Variants in ERCC4 observed in about 807,000 individuals in gnomAD.
The protein encoded by ERCC4 is ERCC excision repair 4, endonuclease catalytic subunit.
ERCC4 carries 65 observed loss-of-function variants against 76.9 expected under a neutral mutation model. The ratio of observed to expected loss-of-function variants is 0.84; its 90% CI spans 0.69 to 1.04. The LOEUF is 1.04. Among genes scored for constraint, ERCC4 ranks in the 50% least tolerant of loss-of-function variants. ERCC4 has a pLI of 0.00. For missense variants in ERCC4, 1,214 were observed against 1,128.2 expected (o/e 1.08, Z -1.09); for synonymous variants, 463 against 410.1 (o/e 1.13, Z -1.56).
chr16:13,939,470 C>T (rs1206129637), intron 9 of ERCC4, among the ~76,000 whole-genome samples: 10 of 152,130 alleles, frequency 6.6e-5, no homozygotes, highest in Non-Finnish European at 1.0e-4. Context: ...TCAAAGACCT[C>T]ACCCAGACCA....
rs1567253858 is a variant in ERCC4, at chr16:13,947,895, T to C, written c.2299T>C (p.Phe767Leu). ...GATTGAGTTTGACCCTAGCAAGCCT[T>C]TCTCTCTCACTTCCCGAGGTGCCTT... is the stretch of plus-strand genomic sequence containing the variant. ...LLIEFDPSKP[F>L]SLTSRGALFQ... The change falls in exon 11 of 11, where the codon TTC (phenylalanine) becomes CTC (leucine). Residue 767 changes from phenylalanine (F) to leucine (L), a missense_variant. Physicochemically the swap from Phe to Leu is conservative, Grantham distance 22 (BLOSUM62 0). Transcript: ENST00000311895. 2 of 1,614,128 alleles carry C rather than the reference T, an allele frequency of 1.2e-6. No individual in the cohort carries two copies. Among genetic ancestry groups the C allele is most frequent in the East Asian group, 2.2e-5 (1 of 44,880 alleles).
In ERCC4 at chr16:13,926,677, G is replaced by T; in HGVS notation, c.505G>T (p.Val169Phe). 1 of 1,614,050 alleles carries T rather than the reference G, an allele frequency of 6.2e-7. No individual in the cohort carries two copies. The highest frequency in any genetic ancestry group is 8.5e-7 in the Non-Finnish European group (1 of 1,179,934). ...GFIKAFTDNAVAFDTGFCHVE... is the reference protein window; with the variant it reads ...GFIKAFTDNAFAFDTGFCHVE... ...TATTAAAGCTTTCACAGACAATGCTGTTGCCTTTGATACTGGTTTTTGTCA... is the reference window on the plus strand; with the variant it reads ...TATTAAAGCTTTCACAGACAATGCTTTTGCCTTTGATACTGGTTTTTGTCA... Residue 169 changes from valine (V) to phenylalanine (F), a missense_variant, in exon 3 of 11, where the codon GTT (valine) becomes TTT (phenylalanine). Val to Phe is a conservative substitution (Grantham distance 50). Transcript: ENST00000311895.
At position 13,935,498 on chromosome 16, in the gene ERCC4, A is replaced by G; in HGVS notation, c.1566A>G (p.Pro522=). The G allele has an allele frequency of 1.2e-6, 2 of 1,614,234 alleles. No individual in the cohort carries two copies. The highest frequency in any genetic ancestry group is 1.7e-6 in the Non-Finnish European group (2 of 1,180,038). ...ATCGTCGAGAAATAAGCAGTAGCCC[A>G]GAAAGCTGCCCGGAAGAAATTAAGC... The part of the protein sequence containing the change: ...EGYRREISSS[P]ESCPEEIKHE... The change falls in exon 8 of 11, where the codon CCA becomes CCG. Residue 522 remains proline (P), a synonymous_variant. Transcript: ENST00000311895.
At chr16:13,928,373 T>C (rs1254956984) in intron 4 of ERCC4, 138 bp downstream of exon 4, 3 of 658,568 alleles carry the variant, frequency 4.6e-6, no homozygotes, top group Non-Finnish European at 7.9e-6. Context: ...AAACATAGCT[T>C]CTTTGGTTTA....
In ERCC4 at chr16:13,931,145, G is replaced by A; in HGVS notation, c.973+255G>A. The A allele has an allele frequency of 6.2e-6, 3 of 486,514 alleles. No individual in the cohort carries two copies. The East Asian group carries it at 1.1e-4, about 18-fold the overall frequency. The allele number at this position is 486,514 out of a possible 1,614,324, so 30.1% of individuals were successfully genotyped here. A position where few individuals can be genotyped will look rare whatever the true frequency, so the allele number is the denominator to read the frequency against. Reference sequence around the variant, plus strand: ...ATTTTATTTCTAGAAAAGACTGTGTGTAGTACAGGCAGTCCTCAACTTAGA... The same window carrying A: ...ATTTTATTTCTAGAAAAGACTGTGTATAGTACAGGCAGTCCTCAACTTAGA... On this transcript the variant is annotated intron_variant, in intron 5 of 10. Coordinates refer to ENST00000311895, the MANE Select transcript of ERCC4 (RefSeq NM_005236.3).
chr16:13,944,911 G>T (rs1359276774), intron 10 of ERCC4, 76 bp downstream of exon 10: 1 of 968,988 alleles, frequency 1.0e-6, no homozygotes, highest in Middle Eastern at 2.1e-4. Context: ...CTCTGCCAAG[G>T]CTTGGTCTGT....
chr16:13,928,185 G>C lies in ERCC4; in HGVS notation c.742G>C (p.Glu248Gln), dbSNP rs2032106485. 6.2e-7 allele frequency: 1 copy of C among 1,613,780 alleles called. No individual in the cohort carries two copies. The highest frequency in any genetic ancestry group is 2.2e-5 in the East Asian group (1 of 44,804). Reference sequence around the variant, plus strand: ...ACTAAAATGCCATAACCCATCGCTTGAAGTGGAAGATTTATCTTTAGAAAA... The same window carrying C: ...ACTAAAATGCCATAACCCATCGCTTCAAGTGGAAGATTTATCTTTAGAAAA... ...KELKCHNPSL[E>Q]VEDLSLENAI... Residue 248 changes from glutamate (E) to glutamine (Q), a missense_variant, in exon 4 of 11, where the codon GAA becomes CAA. Glu to Gln is a conservative substitution (Grantham distance 29, BLOSUM62 2). Transcript: ENST00000311895.
Position 13,948,942 on chromosome 16 carries a change from T to G in ERCC4, c.*595T>G, listed in dbSNP as rs954148456. 4.7e-5 allele frequency: 11 copies of G among 232,496 alleles called. No homozygotes were observed. Among genetic ancestry groups the G allele is most frequent in the Non-Finnish European group, 8.5e-5 (10 of 117,638 alleles). The allele number at this position is 232,496 out of a possible 1,614,324, so 14.4% of individuals were successfully genotyped here. A position where few individuals can be genotyped will look rare whatever the true frequency, so the allele number is the denominator to read the frequency against. ...TGGAACACTGAGAAGAAACATCTCT[T>G]TGCCATTCCTGACCAGTTCTCTCTA... On this transcript the variant is annotated 3_prime_UTR_variant, in exon 11 of 11. Coordinates refer to ENST00000311895, the MANE Select transcript of ERCC4 (RefSeq NM_005236.3).
At chr16:13,926,157 T>C (rs540204753) in intron 2 of ERCC4, among the ~76,000 whole-genome samples, 2 of 152,200 alleles carry the variant, frequency 1.3e-5, no homozygotes, top group South Asian at 4.2e-4. Context: ...CTTTCAGAAA[T>C]TCTTCCTCTG....
At chr16:13,922,829 A>G (rs372834256) in intron 2 of ERCC4, 39 of 185,466 alleles carry the variant, frequency 2.1e-4, no homozygotes, top group Middle Eastern at 2.1e-3. Flanking sequence ...TACCTGACAC[A>G]TTGTAGATGC....
rs778515954 is a variant in ERCC4, at chr16:13,935,226, T to G, written c.1294T>G (p.Leu432Val). The change falls in exon 8 of 11, where the codon TTA (leucine) becomes GTA (valine). Residue 432 changes from leucine to valine, a missense_variant. Coordinates refer to ENST00000311895, the MANE Select transcript of ERCC4 (RefSeq NM_005236.3). ...DYITLGAEAF[L>V]LRLYRKTFEK... ...TATCACTCTTGGAGCGGAGGCCTTC[T>G]TATTGAGGCTCTACAGGAAAACCTT... 2 of 1,614,102 alleles carry G rather than the reference T, an allele frequency of 1.2e-6. No homozygotes were observed.
chr16:13,921,435 G>A (rs1567241670), intron 1 of ERCC4, among the ~76,000 whole-genome samples: 1 of 152,156 alleles, frequency 6.6e-6, no homozygotes, highest in Non-Finnish European at 1.5e-5. Flanking sequence ...AATGTCAGCT[G>A]AGAAGAGTGA....
chr16:13,943,390 CCTT>C (rs1377292797), intron 9 of ERCC4, among the ~76,000 whole-genome samples: 5 of 152,178 alleles, frequency 3.3e-5, no homozygotes, highest in Admixed American at 6.5e-5. Context: ...GCAAACTTGT[CCTT>C]CTTCACATGG....
chr16:13,933,687 G>A (rs1485042301), intron 6 of ERCC4: 1 of 153,058 alleles, frequency 6.5e-6, no homozygotes, highest in East Asian at 1.9e-4. Flanking sequence ...AGCCTGGGCA[G>A]TAAGAGTGAA....
Position 13,937,789 on chromosome 16 carries a change from G to A in ERCC4, c.1835G>A (p.Gly612Asp), listed in dbSNP as rs1440725949. ...AGGGTTTACTTTCTTATATACGGAG[G>A]TTCAACTGAGGAACAACGCTATCTC... is the stretch of plus-strand genomic sequence containing the variant. ...PLRVYFLIYG[G>D]STEEQRYLTA... The change falls in exon 9 of 11, where the codon GGT becomes GAT. Residue 612 changes from glycine to aspartate, a missense_variant. By Grantham distance (94) the Gly-to-Asp change is moderately conservative (BLOSUM62 -1). Coordinates refer to ENST00000311895, the MANE Select transcript of ERCC4 (RefSeq NM_005236.3). 1.2e-6 allele frequency: 2 copies of A among 1,612,880 alleles called. No individual in the cohort carries two copies. Among genetic ancestry groups the A allele is most frequent in the East Asian group, 4.5e-5 (2 of 44,872 alleles).
At position 13,934,254 on chromosome 16, in the gene ERCC4, A is replaced by C; in HGVS notation, c.1165A>C (p.Lys389Gln). 2 of 1,613,748 alleles carry C rather than the reference A, an allele frequency of 1.2e-6. No individual in the cohort carries two copies. The highest frequency in any genetic ancestry group is 8.5e-7 in the Non-Finnish European group (1 of 1,179,808). Reference sequence around the variant, plus strand: ...GTGGGAGGCACTGACTGAAGTATTAAAAGAAATTGAGGCAGAAAATAAGGA... The same window carrying C: ...GTGGGAGGCACTGACTGAAGTATTACAAGAAATTGAGGCAGAAAATAAGGA... ...PKWEALTEVL[K>Q]EIEAENKESE... Residue 389 changes from lysine to glutamine, a missense_variant, in exon 7 of 11, where the codon AAA (lysine) becomes CAA (glutamine). Lys to Gln is a moderately conservative substitution (Grantham distance 53). Coordinates refer to ENST00000311895, the MANE Select transcript of ERCC4 (RefSeq NM_005236.3).
At chr16:13,922,977 A>C (rs1190778392) in intron 2 of ERCC4, among the ~76,000 whole-genome samples, 1 of 152,200 alleles carries the variant, frequency 6.6e-6, no homozygotes, top group East Asian at 1.9e-4. Flanking sequence ...AATGTTTATA[A>C]ATAATCTTTG....
Position 13,950,042 on chromosome 16 carries a change from A to ACC in ERCC4, c.*1696_*1697dup. ...AGTGGCGCAATCTCGGCTCACTGCA[A>ACC]CCTCGCCTGCTGGGTTCAAGCAGTT... On this transcript the variant is annotated 3_prime_UTR_variant, in exon 11 of 11. Coordinates refer to ENST00000311895, the MANE Select transcript of ERCC4 (RefSeq NM_005236.3). The ACC allele has an allele frequency of 5.0e-6, 1 of 199,072 alleles. No individual in the cohort carries two copies. 12.3% of individuals were successfully genotyped at this position (199,072 alleles called of 1,614,324 possible). A position where few individuals can be genotyped will look rare whatever the true frequency, so the allele number is the denominator to read the frequency against.
At position 13,932,327 on chromosome 16, in the gene ERCC4, G is replaced by A. The variant is rs768269919; in HGVS notation, c.1102+42G>A. ...AGTCTTTAAATGTGTTTTTTATTTC[G>A]GTATTTGGTATGGAAATTTAAAGTG... On this transcript the variant is annotated intron_variant, in intron 6 of 10. Coordinates refer to ENST00000311895, the MANE Select transcript of ERCC4 (RefSeq NM_005236.3). The A allele has an allele frequency of 5.1e-6, 8 of 1,570,946 alleles. No individual in the cohort carries two copies. The African/African-American group carries it at 5.4e-5, about 11-fold the overall frequency.
Sources: gnomAD v4.1 joint callset for allele counts (sites outside exome capture counted in the v4.1 genomes callset) on GRCh38, gnomAD v4.1.1 for gene constraint, MANE v1.5 for transcripts, NCBI Gene and HGNC (gene_info 2026-07-23, HGNC 2026-07-21) for gene names.